The following BICC1 variants were observed in gnomAD, a reference collection of about 807,000 sequenced individuals.
The protein encoded by BICC1 is BicC family RNA binding protein 1, also known as protein bicaudal C homolog 1.
BICC1 carries 43 observed loss-of-function variants against 111.0 expected under a neutral mutation model. The ratio of observed to expected loss-of-function variants is 0.39; its 90% CI spans 0.30 to 0.50. The LOEUF (loss-of-function observed/expected upper bound fraction) is 0.50, where lower values mean the gene tolerates loss of function less well. Among genes scored for constraint, BICC1 ranks in the 20% least tolerant of loss-of-function variants. The pLI, the probability that BICC1 is intolerant of heterozygous loss-of-function variation, is 0.88. For synonymous variants in BICC1, 467 were observed against 434.4 expected (o/e 1.07, Z -0.93); for missense variants, 1,091 against 1,203.2 (o/e 0.91, Z 1.38).
chr10:58,810,016 A>G (rs190556555), intron 17 of BICC1, among the ~76,000 whole-genome samples: 6 of 152,348 alleles, frequency 3.9e-5, no homozygotes, highest in East Asian at 3.9e-4. Context: ...ATCTCACTCA[A>G]AAGGTAGGGA....
intron 3 of BICC1, among the ~76,000 whole-genome samples, chr10:58,714,703 A>C (rs185413529): frequency 4.0e-4 from 61 of 152,236 alleles, no homozygotes; most frequent in Admixed American, 3.1e-3. Flanking sequence ...ATGGTTTCTC[A>C]AACCGTGTGT....
intron 3 of BICC1, among the ~76,000 whole-genome samples, chr10:58,768,524 T>C (rs1842522014): frequency 6.6e-6 from 1 of 152,142 alleles, no homozygotes; most frequent in African/African-American, 2.4e-5. Context: ...TTTTACTCCC[T>C]GGTAAAAATA....
intron 3 of BICC1, among the ~76,000 whole-genome samples, chr10:58,717,708 G>A (rs1840792480): frequency 6.6e-6 from 1 of 152,124 alleles, no homozygotes; most frequent in South Asian, 2.1e-4. Flanking sequence ...TTCAAATTTA[G>A]TTGCCTACTT....
chr10:58,602,583 T>C (rs999658730), intron 1 of BICC1, among the ~76,000 whole-genome samples: 4 of 152,218 alleles, frequency 2.6e-5, no homozygotes, highest in African/African-American at 7.2e-5. Flanking sequence ...AGATGAAAAC[T>C]GATGGCTTAG....
chr10:58,547,303 T>C (rs1215530932), intron 1 of BICC1, among the ~76,000 whole-genome samples: 1 of 152,208 alleles, frequency 6.6e-6, no homozygotes, highest in Non-Finnish European at 1.5e-5. Flanking sequence ...CTCTTGCTTT[T>C]GATGATTTTG....
chr10:58,674,624 A>T (rs1265720049), intron 2 of BICC1, among the ~76,000 whole-genome samples: 1 of 152,152 alleles, frequency 6.6e-6, no homozygotes, highest in African/African-American at 2.4e-5. Flanking sequence ...ACCAATTCAA[A>T]TAGAGTAGTA....
chr10:58,644,802 T>C (rs1406861586), intron 2 of BICC1, among the ~76,000 whole-genome samples: 10 of 152,250 alleles, frequency 6.6e-5, no homozygotes, highest in Non-Finnish European at 1.3e-4. Flanking sequence ...CTGTGCCTTT[T>C]TGATTAAAAA....
chr10:58,586,634 A>C (rs7478519), intron 1 of BICC1, among the ~76,000 whole-genome samples: 50 of 2,704 alleles, frequency 0.018, no homozygotes, highest in South Asian at 0.056. Flanking sequence ...AAAAAAAAAC[A>C]AAAAAAAACC....
chr10:58,656,152 G>T (rs1419086182), intron 2 of BICC1, among the ~76,000 whole-genome samples: 3 of 152,056 alleles, frequency 2.0e-5, no homozygotes, highest in Non-Finnish European at 4.4e-5. Flanking sequence ...AAACCAGGAA[G>T]AAGTTGAATC....
chr10:58,791,968 T>C (rs1397964875), intron 8 of BICC1, among the ~76,000 whole-genome samples: 2 of 152,022 alleles, frequency 1.3e-5, no homozygotes, highest in Non-Finnish European at 2.9e-5. Flanking sequence ...ATTTTTTTAG[T>C]TTTAGTAGAG....
intron 1 of BICC1, among the ~76,000 whole-genome samples, chr10:58,519,006 T>C (rs976488209): frequency 1.3e-5 from 2 of 152,198 alleles, no homozygotes; most frequent in Non-Finnish European, 2.9e-5. Flanking sequence ...TGGCTGCGAC[T>C]AACAGGAAAC....
At chr10:58,546,923 C>T (rs1051594339) in intron 1 of BICC1, among the ~76,000 whole-genome samples, 1 of 152,090 alleles carries the variant, frequency 6.6e-6, no homozygotes, top group Non-Finnish European at 1.5e-5. Context: ...TTCAGATGTG[C>T]TTAAATTGGT....
In BICC1 at chr10:58,653,116, G is replaced by C. The variant is rs541163813; in HGVS notation, c.237+32215G>C. ...TTTTTATGAAGTAAATAAGAGTGTAGTATTTAAAAGTTAAGTTACTCTAAA... is the reference window on the plus strand; with the variant it reads ...TTTTTATGAAGTAAATAAGAGTGTACTATTTAAAAGTTAAGTTACTCTAAA... On this transcript the variant is annotated intron_variant, in intron 2 of 20. Coordinates refer to ENST00000373886, the MANE Select transcript of BICC1 (RefSeq NM_001080512.3). Among the ~76,000 whole-genome samples, 88 of 152,250 alleles carry C rather than the reference G, an allele frequency of 5.8e-4. 1 individual carries two copies. Among genetic ancestry groups the C allele is most frequent in the African/African-American group, 2.1e-3 (86 of 41,552 alleles).
At chr10:58,552,378 C>G (rs1473760041) in intron 1 of BICC1, among the ~76,000 whole-genome samples, 1 of 151,916 alleles carries the variant, frequency 6.6e-6, no homozygotes, top group Non-Finnish European at 1.5e-5. Flanking sequence ...CACTGTCACG[C>G]AGGCTGGAGT....
Position 58,584,786 on chromosome 10 carries a change from C to CT in BICC1, c.191-36057dup, listed in dbSNP as rs530237055. ...TGAGTTCATTAGTGTATTGCAGTGC[C>CT]TTTTTTTTTTTTCTTAGCACAATGA... On this transcript the variant is annotated intron_variant, in intron 1 of 20. Coordinates refer to ENST00000373886, the MANE Select transcript of BICC1 (RefSeq NM_001080512.3). 2.7e-3 allele frequency among the ~76,000 whole-genome samples: 381 copies of CT among 141,892 alleles called. 2 individuals are homozygous for CT. The highest frequency in any genetic ancestry group is 7.6e-3 in the African/African-American group (296 of 38,986). The allele number at this position is 141,892 out of a possible 152,430, so 93.1% of individuals were successfully genotyped here. A position where few individuals can be genotyped will look rare whatever the true frequency, so the allele number is the denominator to read the frequency against.
intron 1 of BICC1, among the ~76,000 whole-genome samples, chr10:58,620,557 A>G (rs913054775): frequency 1.3e-5 from 2 of 152,332 alleles, no homozygotes; most frequent in South Asian, 2.1e-4. Flanking sequence ...GCATTTATTC[A>G]TATAGTTCTT....
chr10:58,566,292 G>A (rs201703553), intron 1 of BICC1, among the ~76,000 whole-genome samples: 1 of 47,344 alleles, frequency 2.1e-5, no homozygotes, highest in Non-Finnish European at 4.6e-5. Context: ...ATACAAACAT[G>A]TACACACACA....
At chr10:58,769,770 A>ATGAATGTGT in intron 3 of BICC1, among the ~76,000 whole-genome samples, 1 of 152,002 alleles carries the variant, frequency 6.6e-6, no homozygotes, top group Non-Finnish European at 1.5e-5. Context: ...CATATAGTGT[A>ATGAATGTGT]CTTTACTACC....
At chr10:58,724,561 A>G (rs1217288242) in intron 3 of BICC1, among the ~76,000 whole-genome samples, 5 of 152,196 alleles carry the variant, frequency 3.3e-5, no homozygotes, top group African/African-American at 4.8e-5. Context: ...GTGCCATCCC[A>G]GGACTATGTA....
Sources: allele counts gnomAD v4.1 joint callset (sites outside exome capture counted in the v4.1 genomes callset), GRCh38; gene constraint gnomAD v4.1.1; transcripts MANE v1.5; gene names NCBI Gene and HGNC (gene_info 2026-07-23, HGNC 2026-07-21).